Variants in TET1 observed in about 807,000 individuals in gnomAD.
TET1 encodes methylcytosine dioxygenase TET1.
TET1 carries 13 observed loss-of-function variants against 148.7 expected under a neutral mutation model. The observed-to-expected ratio is 0.09, with a 90% CI of 0.06 to 0.14. The LOEUF (loss-of-function observed/expected upper bound fraction) is 0.14. TET1 is among the 10% of genes least tolerant of loss of function. The pLI, the probability that TET1 is intolerant of heterozygous loss-of-function variation, is 1.00. For synonymous variants in TET1, 907 were observed against 937.2 expected (o/e 0.97, Z 0.59); for missense variants, 2,182 against 2,553.8 (o/e 0.85, Z 3.14).
At chr10:68,631,433 C>CTTTTTTTTTTTTTTTTTTTTTTTTTTT (rs546257824) in intron 3 of TET1, among the ~76,000 whole-genome samples, 2 of 110,588 alleles carry the variant, frequency 1.8e-5, no homozygotes, top group Non-Finnish European at 1.8e-5. Context: ...TTTCTTTCTT[C>CTTTTTTTTTTTTTTTTTTTTTTTTTTT]TTTTTTTTTT....
intron 3 of TET1, chr10:68,632,555 G>T (rs2054589922): frequency 6.2e-7 from 1 of 1,609,030 alleles, no homozygotes; most frequent in Non-Finnish European, 8.5e-7. Context: ...TGTGATGTTG[G>T]AGTAGGGGGG....
intron 3 of TET1, chr10:68,632,271 G>A: frequency 2.0e-6 from 2 of 987,408 alleles, no homozygotes; most frequent in Non-Finnish European, 3.0e-6. Flanking sequence ...GCAGTGAGCC[G>A]AGATCCCGCC....
chr10:68,596,027 C>CATATATATATATATATATATATAT (rs1554932889), intron 2 of TET1, among the ~76,000 whole-genome samples: 3 of 61,758 alleles, frequency 4.9e-5, no homozygotes, highest in African/African-American at 2.1e-4. Flanking sequence ...CACACACACA[C>CATATATATATATATATATATATAT]ATATATATAT....
rs745495089 is a variant in TET1 at position 68,573,491 on chromosome 10, C to T, written c.1153C>T (p.His385Tyr). The T allele has an allele frequency of 6.2e-7, 1 of 1,614,212 alleles. No individual in the cohort carries two copies. The highest frequency in any genetic ancestry group is 8.5e-7 in the Non-Finnish European group (1 of 1,180,044). The change falls in exon 2 of 12, where the codon CAT (histidine) becomes TAT (tyrosine). Residue 385 changes from histidine to tyrosine, a missense_variant. His to Tyr is a moderately conservative substitution (Grantham distance 83, BLOSUM62 2). Transcript: ENST00000373644. ...QWELPGADPV[H>Y]GEALGETPDL... The stretch of plus-strand genomic sequence containing the variant: ...GGAACTTCCTGGTGCTGACCCAGTT[C>T]ATGGTGAGGCCCTGGGTGAGACCCC...
Position 68,644,812 on chromosome 10 carries a change from G to A in TET1, c.2083G>A (p.Val695Ile), listed in dbSNP as rs1273112824. The change falls in exon 4 of 12, where the codon GTA (valine) becomes ATA (isoleucine). Residue 695 changes from valine (V) to isoleucine (I), a missense_variant. By Grantham distance (29) the Val-to-Ile change is conservative. This residue lies in a region of TET1 where 226 missense variants were observed against 307.4 expected (regional missense o/e 0.74). Coordinates refer to ENST00000373644, the MANE Select transcript of TET1 (RefSeq NM_030625.3). ...ATTGAACCCACATACTGTTGAAAAT[G>A]TAACTAAAAATGAAGACAGCATGAC... ...LELNPHTVEN[V>I]TKNEDSMTGI... 2.5e-6 allele frequency: 4 copies of A among 1,613,944 alleles called. No homozygotes were observed. Among genetic ancestry groups the A allele is most frequent in the Non-Finnish European group, 3.4e-6 (4 of 1,179,950 alleles).
intron 2 of TET1, among the ~76,000 whole-genome samples, chr10:68,585,523 A>G (rs771759615): frequency 2.0e-5 from 3 of 152,188 alleles, no homozygotes; most frequent in Non-Finnish European, 4.4e-5. Context: ...TGCAACTTCT[A>G]CATCAGAGGT....
At chr10:68,614,802 C>A (rs2054265092) in intron 3 of TET1, among the ~76,000 whole-genome samples, 1 of 152,088 alleles carries the variant, frequency 6.6e-6, no homozygotes, top group African/African-American at 2.4e-5. Flanking sequence ...TCATGTTGCC[C>A]AGGCTGGTCT....
At chr10:68,597,972 G>A (rs1430063136) in intron 2 of TET1, among the ~76,000 whole-genome samples, 1 of 152,324 alleles carries the variant, frequency 6.6e-6, no homozygotes, top group Admixed American at 6.5e-5. Flanking sequence ...GGCAAATGAG[G>A]AGTTATTGTT....
chr10:68,689,694 G>A (rs987554186), intron 11 of TET1, among the ~76,000 whole-genome samples: 1 of 151,890 alleles, frequency 6.6e-6, no homozygotes, highest in African/African-American at 2.4e-5. Flanking sequence ...CGGGGGAATC[G>A]CTTGAACCTG....
intron 4 of TET1, among the ~76,000 whole-genome samples, chr10:68,649,055 A>G (rs964859141): frequency 6.6e-6 from 1 of 152,214 alleles, no homozygotes; most frequent in Non-Finnish European, 1.5e-5. Flanking sequence ...AGGAGAGAAG[A>G]AAGTAATCAT....
At position 68,627,767 on chromosome 10, in the gene TET1, A is replaced by G. The variant is rs558815909; in HGVS notation, c.1969-16931A>G. ...ATGGTGAAACCCCGTCTCTACCAAA[A>G]AAATAAAAAAATACAAAAATTAGCC... is the stretch of plus-strand genomic sequence containing the variant. On this transcript the variant is annotated intron_variant, in intron 3 of 11. Coordinates refer to ENST00000373644, the MANE Select transcript of TET1 (RefSeq NM_030625.3). Among the ~76,000 whole-genome samples the G allele has an allele frequency of 1.1e-4, 16 of 151,280 alleles. No homozygotes were observed. In the South Asian group the frequency reaches 3.4e-3, roughly 32 times the overall value.
intron 3 of TET1, among the ~76,000 whole-genome samples, chr10:68,623,969 C>G (rs2054411136): frequency 6.6e-6 from 1 of 152,222 alleles, no homozygotes; most frequent in Non-Finnish European, 1.5e-5. Context: ...TTGGATTATT[C>G]TCCCCCAGAC....
At chr10:68,581,796 G>T (rs1458033802) in intron 2 of TET1, among the ~76,000 whole-genome samples, 7 of 149,992 alleles carry the variant, frequency 4.7e-5, no homozygotes, top group South Asian at 2.1e-4. Flanking sequence ...AGTGAGCTTA[G>T]ATCACACTAC....
intron 3 of TET1, among the ~76,000 whole-genome samples, chr10:68,604,327 G>C (rs1311433820): frequency 6.6e-6 from 1 of 152,176 alleles, no homozygotes; most frequent in East Asian, 1.9e-4. Context: ...CAGTCAATTG[G>C]GGGTTTGAAC....
intron 3 of TET1, among the ~76,000 whole-genome samples, chr10:68,607,492 G>A (rs1422870534): frequency 1.3e-5 from 2 of 151,540 alleles, no homozygotes; most frequent in East Asian, 1.9e-4. Context: ...GTGTGGAGTG[G>A]CACAATCTTG....
intron 3 of TET1, among the ~76,000 whole-genome samples, chr10:68,640,207 G>A (rs753523983): frequency 5.3e-5 from 8 of 151,734 alleles, no homozygotes; most frequent in Admixed American, 2.0e-4. Flanking sequence ...GATTACAGGC[G>A]GAAGCTGACA....
rs527465953 is a variant in TET1, at chr10:68,608,349, C to T, written c.1968+7315C>T. Among the ~76,000 whole-genome samples the T allele has an allele frequency of 1.2e-4, 18 of 152,238 alleles. No individual in the cohort carries two copies. The East Asian group carries it at 2.9e-3, about 25-fold the overall frequency. Reference sequence around the variant, plus strand: ...CTCCCAGGTTCAAGCGATTCTCCTACCTCAACCTCCCGAGTAACTGGGATT... The same window carrying T: ...CTCCCAGGTTCAAGCGATTCTCCTATCTCAACCTCCCGAGTAACTGGGATT... On this transcript the variant is annotated intron_variant, in intron 3 of 11. Coordinates refer to ENST00000373644, the MANE Select transcript of TET1 (RefSeq NM_030625.3).
chr10:68,641,678 A>G (rs2054757573), intron 3 of TET1, among the ~76,000 whole-genome samples: 1 of 149,716 alleles, frequency 6.7e-6, no homozygotes, highest in Non-Finnish European at 1.5e-5. Context: ...TTTTTTTTGT[A>G]TTTTGGTAGA....
At chr10:68,633,049 T>C (rs2054600156) in intron 3 of TET1, among the ~76,000 whole-genome samples, 1 of 151,732 alleles carries the variant, frequency 6.6e-6, no homozygotes, top group African/African-American at 2.4e-5. Context: ...CTGGGCGTGG[T>C]GGTGGGCGCC....
Sources: gnomAD v4.1 joint callset for allele counts (sites outside exome capture counted in the v4.1 genomes callset) on GRCh38, gnomAD v4.1.1 for gene constraint, gnomAD v4.1.1 regional missense constraint, MANE v1.5 for transcripts, NCBI Gene and HGNC (gene_info 2026-07-23, HGNC 2026-07-21) for gene names.